Variants in DOCK3 observed in about 807,000 individuals in gnomAD.
DOCK3 encodes dedicator of cytokinesis 3.
A neutral mutation model predicts 265.6 loss-of-function variants in DOCK3; 60 were observed. The observed-to-expected ratio is 0.23, with a 90% CI of 0.18 to 0.28. The LOEUF (loss-of-function observed/expected upper bound fraction) is 0.28. Among genes scored for constraint, DOCK3 ranks in the 10% least tolerant of loss-of-function variants. The probability of loss-of-function intolerance (pLI) is 1.00; values close to 1 mark genes in which losing one functional copy is unlikely to be tolerated. For missense variants in DOCK3, 1,981 were observed against 2,594.3 expected (o/e 0.76, Z 5.14); for synonymous variants, 881 against 938.0 (o/e 0.94, Z 1.11).
intron 4 of DOCK3, among the ~76,000 whole-genome samples, chr3:50,913,703 CTG>C (rs1342129584): frequency 6.6e-6 from 1 of 152,060 alleles, no homozygotes; most frequent in Non-Finnish European, 1.5e-5. Context: ...TGAGTTTCAT[CTG>C]TGTTGTTTTT....
intron 6 of DOCK3, among the ~76,000 whole-genome samples, chr3:51,072,838 G>A (rs2081926620): frequency 6.6e-6 from 1 of 151,674 alleles, no homozygotes; most frequent in African/African-American, 2.4e-5. Context: ...CTGAGTAGCT[G>A]GGACTGCAGT....
intron 22 of DOCK3, among the ~76,000 whole-genome samples, chr3:51,256,794 C>G (rs540821360): frequency 6.6e-6 from 1 of 152,024 alleles, no homozygotes; most frequent in Non-Finnish European, 1.5e-5. Flanking sequence ...GGGGTTTCAC[C>G]CTGTTGGTCA....
At chr3:51,249,631 C>G (rs1274535147) in intron 22 of DOCK3, among the ~76,000 whole-genome samples, 1 of 60,732 alleles carries the variant, frequency 1.6e-5, no homozygotes, top group African/African-American at 7.3e-5. Flanking sequence ...GGCCAGCCGT[C>G]CCGTCCGGGA....
chr3:51,046,874 A>G (rs142408947), intron 5 of DOCK3, among the ~76,000 whole-genome samples: 6 of 152,300 alleles, frequency 3.9e-5, no homozygotes, highest in African/African-American at 1.4e-4. Flanking sequence ...TATATTTTCT[A>G]ATAATAGTGG....
intron 5 of DOCK3, among the ~76,000 whole-genome samples, chr3:50,962,711 CTT>C (rs36066875): frequency 0.75 from 114,251 of 151,930 alleles, 44,153 homozygotes; most frequent in Middle Eastern, 0.88. Context: ...GGCTAGGACT[CTT>C]TTTTATTTTT....
In DOCK3 at chr3:50,918,364, A is replaced by G. The variant is rs553243170; in HGVS notation, c.219-15617A>G. Among the ~76,000 whole-genome samples the G allele has an allele frequency of 5.9e-5, 9 of 152,244 alleles. No homozygotes were observed. In the South Asian group the frequency reaches 1.9e-3, roughly 32 times the overall value. The stretch of plus-strand genomic sequence containing the variant: ...TCTTCCATAATGGTTGAATTAGTTT[A>G]CAGTCCCACCAACAGTGTAAGAGTG... On this transcript the variant is annotated intron_variant, in intron 4 of 52. Coordinates refer to ENST00000266037, the MANE Select transcript of DOCK3 (RefSeq NM_004947.5).
chr3:50,754,098 G>A (rs927947318), intron 1 of DOCK3, among the ~76,000 whole-genome samples: 19 of 134,692 alleles, frequency 1.4e-4, no homozygotes, highest in African/African-American at 4.9e-4. Context: ...GGAGGTTGCA[G>A]TGAGCCAAGA....
intron 50 of DOCK3, among the ~76,000 whole-genome samples, chr3:51,375,136 A>G (rs1187300417): frequency 6.6e-6 from 1 of 152,190 alleles, no homozygotes; most frequent in Non-Finnish European, 1.5e-5. Context: ...TCCCTTGGGC[A>G]GTCTGTCCCT....
intron 1 of DOCK3, among the ~76,000 whole-genome samples, chr3:50,678,345 G>A (rs2034137780): frequency 6.6e-6 from 1 of 152,018 alleles, no homozygotes; most frequent in Non-Finnish European, 1.5e-5. Context: ...CTGCTCTAAA[G>A]TGTATTAGGT....
intron 23 of DOCK3, among the ~76,000 whole-genome samples, chr3:51,263,623 G>A (rs1370057574): frequency 1.3e-5 from 2 of 152,066 alleles, no homozygotes; most frequent in Non-Finnish European, 2.9e-5. Context: ...GACACAGACT[G>A]GCAAATTGGA....
At chr3:51,241,095 C>T (rs539810586) in intron 21 of DOCK3, among the ~76,000 whole-genome samples, 14 of 152,210 alleles carry the variant, frequency 9.2e-5, no homozygotes, top group East Asian at 7.7e-4. Context: ...GTGCTTCCTT[C>T]GGGAGCTCTT....
In DOCK3 at chr3:51,359,102, C is replaced by T. The variant is rs1480001425; in HGVS notation, c.4884+1025C>T. Among the ~76,000 whole-genome samples, 1 of 152,206 alleles carries T rather than the reference C, an allele frequency of 6.6e-6. No individual in the cohort carries two copies. The highest frequency in any genetic ancestry group is 2.4e-5 in the African/African-American group (1 of 41,446). ...GCTGTTCAATGCTGCACGAGGTTGT[C>T]ATGAGCAAAAAATTCCCCCTCTAGG... On this transcript the variant is annotated intron_variant, in intron 46 of 52. Transcript: ENST00000266037. The surrounding 1 kb of genome is among the most constrained non-coding windows in gnomAD (Gnocchi z 4.8).
intron 5 of DOCK3, among the ~76,000 whole-genome samples, chr3:51,035,335 A>C (rs900590542): frequency 3.3e-5 from 5 of 151,826 alleles, no homozygotes; most frequent in African/African-American, 1.2e-4. Flanking sequence ...AAGTTCACCA[A>C]CTCTTTCGTC....
intron 5 of DOCK3, among the ~76,000 whole-genome samples, chr3:50,991,461 C>G (rs918400408): frequency 6.6e-5 from 10 of 152,128 alleles, no homozygotes; most frequent in Non-Finnish European, 1.3e-4. Context: ...TCAGATAAAA[C>G]ATTTCAAAAC....
At position 51,146,612 on chromosome 3, in the gene DOCK3, A is replaced by G. The variant is rs776739675; in HGVS notation, c.810A>G (p.Arg270=). ...GGPRNPEKIE[R]MCALFTDLSS... Reference sequence around the variant, plus strand: ...CGAGGAACCCAGAGAAGATAGAACGAATGTGTGCCCTTTTTACAGTATGTA... The same window carrying G: ...CGAGGAACCCAGAGAAGATAGAACGGATGTGTGCCCTTTTTACAGTATGTA... Residue 270 remains arginine, a synonymous_variant, in exon 10 of 53, where the codon CGA becomes CGG. Coordinates refer to ENST00000266037, the MANE Select transcript of DOCK3 (RefSeq NM_004947.5). 1.9e-5 allele frequency: 30 copies of G among 1,592,790 alleles called. 1 individual carries two copies. In the Admixed American group the frequency reaches 4.8e-4, roughly 25 times the overall value.
chr3:51,363,222 A>G (rs1386569122), intron 49 of DOCK3, among the ~76,000 whole-genome samples: 1 of 152,222 alleles, frequency 6.6e-6, no homozygotes, highest in Non-Finnish European at 1.5e-5. Context: ...GTTCTTTGAG[A>G]GGCAGCATCT....
chr3:51,271,108 C>T lies in DOCK3; in HGVS notation c.2548+101C>T, dbSNP rs545161522. 1.1e-5 allele frequency: 15 copies of T among 1,335,006 alleles called. No individual in the cohort carries two copies. The Admixed American group carries it at 2.1e-4, about 18-fold the overall frequency. 82.7% of individuals were successfully genotyped at this position (1,335,006 alleles called of 1,614,324 possible). A position where few individuals can be genotyped will look rare whatever the true frequency, so the allele number is the denominator to read the frequency against. On this transcript the variant is annotated intron_variant, in intron 24 of 52. Coordinates refer to ENST00000266037, the MANE Select transcript of DOCK3 (RefSeq NM_004947.5). ...ATAATCAAAGGATCAGTTTCCTCAA[C>T]GATTATGCAAGAAACCAGTAACCCT... is the stretch of plus-strand genomic sequence containing the variant.
chr3:50,861,989 C>T (rs1464215233), intron 3 of DOCK3, among the ~76,000 whole-genome samples: 3 of 151,858 alleles, frequency 2.0e-5, no homozygotes, highest in Non-Finnish European at 4.4e-5. Context: ...GTTGCTTTGC[C>T]GTCTCAATTG....
intron 9 of DOCK3, among the ~76,000 whole-genome samples, chr3:51,116,450 CA>C (rs55898136): frequency 0.012 from 656 of 54,924 alleles, 1 homozygote; most frequent in South Asian, 0.049. Context: ...GACTCCATCT[CA>C]AAAAAAAAAA....
Sources: allele counts gnomAD v4.1 joint callset (sites outside exome capture counted in the v4.1 genomes callset), GRCh38; gene constraint gnomAD v4.1.1; non-coding constraint Gnocchi (gnomAD v3.1); transcripts MANE v1.5; gene names NCBI Gene and HGNC (gene_info 2026-07-23, HGNC 2026-07-21).